The following UNC13C variants were observed in gnomAD, a reference collection of about 807,000 sequenced individuals.
UNC13C encodes unc-13 homolog C, also known as protein unc-13 homolog C.
A neutral mutation model predicts 245.4 loss-of-function variants in UNC13C; 174 were observed. The ratio of observed to expected loss-of-function variants is 0.71; its 90% CI spans 0.63 to 0.80. The LOEUF (loss-of-function observed/expected upper bound fraction) is 0.80. Ranked by LOEUF, UNC13C falls within the 30% of genes least tolerant of loss-of-function variation. UNC13C has a pLI of 0.00. For missense variants in UNC13C, 2,829 were observed against 2,602.9 expected (o/e 1.09, Z -1.89); for synonymous variants, 992 against 895.1 (o/e 1.11, Z -1.93).
At chr15:54,123,175 T>C (rs2030794706) in intron 2 of UNC13C, among the ~76,000 whole-genome samples, 1 of 151,920 alleles carries the variant, frequency 6.6e-6, no homozygotes, top group Admixed American at 6.6e-5. Context: ...GGTTTCAAAT[T>C]TCATTACCCC....
At chr15:54,403,715 C>CAAAAAAA (rs771818988) in intron 18 of UNC13C, among the ~76,000 whole-genome samples, 1 of 56,866 alleles carries the variant, frequency 1.8e-5, no homozygotes, top group African/African-American at 6.9e-5. Context: ...GAACCTGTCT[C>CAAAAAAA]AAAAAAAAAA....
the UNC13C span, among the ~76,000 whole-genome samples, chr15:53,900,551 A>G: frequency 6.6e-6 from 1 of 152,200 alleles, no homozygotes; most frequent in African/African-American, 2.4e-5. Context: ...CCAGTGAGAT[A>G]TGGTGGGGAT....
chr15:54,042,655 C>G (rs1173745980), intron 2 of UNC13C, among the ~76,000 whole-genome samples: 3 of 152,062 alleles, frequency 2.0e-5, no homozygotes. Context: ...AGATCGAGAC[C>G]ATCCTGGCTA....
chr15:54,169,384 T>A (rs2033299873), intron 4 of UNC13C, among the ~76,000 whole-genome samples: 1 of 152,210 alleles, frequency 6.6e-6, no homozygotes. Flanking sequence ...ATTTTCTCCA[T>A]GTAGAGAGAC....
chr15:54,611,129 G>T (rs909356548), intron 30 of UNC13C, among the ~76,000 whole-genome samples: 1 of 152,188 alleles, frequency 6.6e-6, no homozygotes, highest in East Asian at 1.9e-4. Context: ...GTGTTGGTCA[G>T]AGTGATTGGG....
intron 1 of UNC13C, among the ~76,000 whole-genome samples, chr15:53,990,956 G>A (rs1246582653): frequency 6.6e-6 from 1 of 152,026 alleles, no homozygotes; most frequent in Non-Finnish European, 1.5e-5. Flanking sequence ...AGAGAACGAA[G>A]TTGTAGGGAT....
chr15:54,030,326 C>T (rs950940246), intron 2 of UNC13C, among the ~76,000 whole-genome samples: 3 of 151,844 alleles, frequency 2.0e-5, no homozygotes, highest in African/African-American at 7.2e-5. Flanking sequence ...TAGTTAACGC[C>T]CCTTAAGCAG....
At chr15:53,928,794 C>T in the UNC13C span, among the ~76,000 whole-genome samples, 1 of 152,126 alleles carries the variant, frequency 6.6e-6, no homozygotes. Context: ...TAGCATTTCA[C>T]CCACTGTATA....
At chr15:54,507,885 G>GT (rs201604456) in intron 23 of UNC13C, among the ~76,000 whole-genome samples, 1,671 of 150,664 alleles carry the variant, frequency 0.011, 40 homozygotes, top group African/African-American at 0.038. Flanking sequence ...TGAGTATAGG[G>GT]TTTTTTTTTA....
chr15:54,457,087 AG>A (rs1891573435), intron 19 of UNC13C, among the ~76,000 whole-genome samples: 1 of 152,146 alleles, frequency 6.6e-6, no homozygotes, highest in Non-Finnish European at 1.5e-5. Flanking sequence ...TTAATCAGGA[AG>A]GGATGCTGGA....
rs57209912 is a variant in UNC13C, at chr15:54,086,737, CTTTT to C, written c.2984-56266_2984-56263del. ...GTACTATGTGTTGCTTATTTTCTTTCTTTTTTTTTTTTTTTTTTGAGATGGACTC... is the reference window on the plus strand; with the variant it reads ...GTACTATGTGTTGCTTATTTTCTTTCTTTTTTTTTTTTTTGAGATGGACTC... On this transcript the variant is annotated intron_variant, in intron 2 of 32. Transcript: ENST00000260323. 4.2e-4 allele frequency among the ~76,000 whole-genome samples: 39 copies of C among 92,036 alleles called. 3 individuals are homozygous for C. The highest frequency in any genetic ancestry group is 1.3e-3 in the African/African-American group (34 of 26,698). 60.4% of individuals were successfully genotyped at this position (92,036 alleles called of 152,430 possible). A position where few individuals can be genotyped will look rare whatever the true frequency, so the allele number is the denominator to read the frequency against.
intron 1 of UNC13C, among the ~76,000 whole-genome samples, chr15:54,001,888 G>GAC (rs1382750558): frequency 1.3e-5 from 2 of 152,180 alleles, no homozygotes; most frequent in African/African-American, 4.8e-5. Flanking sequence ...GGCACCAAAT[G>GAC]ACACACATGA....
intron 9 of UNC13C, among the ~76,000 whole-genome samples, chr15:54,264,697 C>T (rs1026824251): frequency 6.6e-6 from 1 of 151,696 alleles, no homozygotes; most frequent in African/African-American, 2.4e-5. Context: ...TAAATTATAA[C>T]AGTAGCTAAT....
chr15:54,336,365 T>C (rs1365830290), intron 16 of UNC13C, among the ~76,000 whole-genome samples: 2 of 141,992 alleles, frequency 1.4e-5, no homozygotes, highest in African/African-American at 2.5e-5. Flanking sequence ...AGTTTTTATA[T>C]GTTTTGAATA....
chr15:54,266,309 T>C (rs925834561), intron 10 of UNC13C, among the ~76,000 whole-genome samples: 6 of 151,924 alleles, frequency 3.9e-5, no homozygotes, highest in African/African-American at 7.2e-5. Context: ...GGAAAATCAA[T>C]TGGAACCAAA....
the UNC13C span, among the ~76,000 whole-genome samples, chr15:53,873,812 G>A: frequency 1.1e-4 from 1 of 8,696 alleles, no homozygotes; most frequent in Non-Finnish European, 3.5e-4. Context: ...TCACCCTCAC[G>A]TGATTACAGG....
At chr15:54,578,493 C>A (rs939527872) in intron 30 of UNC13C, among the ~76,000 whole-genome samples, 1 of 152,268 alleles carries the variant, frequency 6.6e-6, no homozygotes, top group Admixed American at 6.5e-5. Context: ...CTGTTACTTG[C>A]CTCTCAAATA....
At chr15:53,998,120 TAG>T (rs1338143339) in intron 1 of UNC13C, among the ~76,000 whole-genome samples, 3 of 152,134 alleles carry the variant, frequency 2.0e-5, no homozygotes, top group Admixed American at 1.3e-4. Flanking sequence ...GTTCTTTTTA[TAG>T]AGTGTTTTAA....
Position 54,507,120 on chromosome 15 carries a change from A to G in UNC13C, c.5305A>G (p.Ile1769Val), listed in dbSNP as rs767927046. ...SHLMRRFAKT[I>V]NKVLLQYAAI... ...TTCACAATGTTTTCTTTCTTAGACT[A>G]TCAATAAAGTGCTGCTCCAGTATGC... Residue 1769 changes from isoleucine (I) to valine (V), a missense_variant, in exon 23 of 33, where the codon ATC becomes GTC. Transcript: ENST00000260323. The G allele has an allele frequency of 1.5e-5, 24 of 1,592,354 alleles. No individual in the cohort carries two copies. The highest frequency in any genetic ancestry group is 1.3e-5 in the African/African-American group (1 of 74,818).
Sources: gnomAD v4.1 joint callset for allele counts (sites outside exome capture counted in the v4.1 genomes callset) on GRCh38, gnomAD v4.1.1 for gene constraint, MANE v1.5 for transcripts, NCBI Gene and HGNC (gene_info 2026-07-23, HGNC 2026-07-21) for gene names.